Variants in SERINC5 observed in about 807,000 individuals in gnomAD.
The protein encoded by SERINC5 is serine incorporator 5.
A neutral mutation model predicts 63.1 loss-of-function variants in SERINC5; 41 were observed. The ratio of observed to expected loss-of-function variants is 0.65; its 90% CI spans 0.51 to 0.84. The LOEUF (loss-of-function observed/expected upper bound fraction) is 0.84, where lower values mean the gene tolerates loss of function less well. Ranked by LOEUF, SERINC5 falls within the 40% of genes least tolerant of loss-of-function variation. The probability of loss-of-function intolerance (pLI) is 0.00; values close to 1 mark genes in which losing one functional copy is unlikely to be tolerated. For synonymous variants in SERINC5, 222 were observed against 215.2 expected, an observed-to-expected ratio of 1.03 and a Z score of -0.28; for missense variants, 523 against 573.0, an observed-to-expected ratio of 0.91 and a Z score of 0.89.
At chr5:80,160,909 T>C (rs1011978347) in intron 7 of SERINC5, among the ~76,000 whole-genome samples, 18 of 150,614 alleles carry the variant, frequency 1.2e-4, no homozygotes, top group African/African-American at 4.4e-4. Context: ...TGTGTGGAGA[T>C]AGATATATAT....
At chr5:80,251,657 G>T (rs1379937058) in intron 1 of SERINC5, among the ~76,000 whole-genome samples, 1 of 151,556 alleles carries the variant, frequency 6.6e-6, no homozygotes, top group Non-Finnish European at 1.5e-5. Flanking sequence ...TTGGACCCGG[G>T]AGGCGGAGGT....
Position 80,160,934 on chromosome 5 carries a change from GTA to G in SERINC5, c.860-1974_860-1973del, listed in dbSNP as rs1187542681. On this transcript the variant is annotated intron_variant, in intron 7 of 11. Transcript: ENST00000507668. Reference sequence around the variant, plus strand: ...TAGATATATATATGTGTGTGTGTGTGTATATATATGTGTATATATATATGTGT... The same window carrying G: ...TAGATATATATATGTGTGTGTGTGTGTATATATGTGTATATATATATGTGT... Among the ~76,000 whole-genome samples the G allele has an allele frequency of 4.1e-4, 54 of 131,970 alleles. 1 individual carries two copies. The South Asian group carries it at 0.01, about 25-fold the overall frequency. The allele number at this position is 131,970 out of a possible 152,430, so 86.6% of individuals were successfully genotyped here.
chr5:80,190,879 T>C (rs997151147), intron 2 of SERINC5, among the ~76,000 whole-genome samples: 3 of 152,168 alleles, frequency 2.0e-5, no homozygotes, highest in African/African-American at 7.2e-5. Flanking sequence ...AGACCTGGAA[T>C]TGAATGATGG....
chr5:80,227,850 CA>C (rs1363181588), intron 1 of SERINC5, among the ~76,000 whole-genome samples: 2 of 151,292 alleles, frequency 1.3e-5, no homozygotes, highest in African/African-American at 2.4e-5. Flanking sequence ...CCCTGACTTA[CA>C]AAAAAGAAAA....
At chr5:80,123,432 T>C (rs1744623999) in intron 11 of SERINC5, among the ~76,000 whole-genome samples, 1 of 152,212 alleles carries the variant, frequency 6.6e-6, no homozygotes, top group Non-Finnish European at 1.5e-5. Flanking sequence ...TCCTCACTTA[T>C]TTTTTATTAA....
At chr5:80,189,806 G>A (rs1464351156) in intron 2 of SERINC5, among the ~76,000 whole-genome samples, 1 of 152,054 alleles carries the variant, frequency 6.6e-6, no homozygotes, top group Non-Finnish European at 1.5e-5. Flanking sequence ...CAAACTCCTA[G>A]ACGCAAGCCA....
At chr5:80,150,337 C>T (rs1746092637) in intron 9 of SERINC5, among the ~76,000 whole-genome samples, 1 of 152,112 alleles carries the variant, frequency 6.6e-6, no homozygotes, top group Non-Finnish European at 1.5e-5. Context: ...CGGCAGGATG[C>T]CACCCAAGAG....
rs544724445 is a variant in SERINC5, at chr5:80,196,059, T to C, written c.195+6827A>G. Among the ~76,000 whole-genome samples, 11 of 152,180 alleles carry C rather than the reference T, an allele frequency of 7.2e-5. No individual in the cohort carries two copies. The East Asian group carries it at 1.9e-3, about 27-fold the overall frequency. On this transcript the variant is annotated intron_variant, in intron 2 of 11. Coordinates refer to ENST00000507668, the MANE Select transcript of SERINC5 (RefSeq NM_001174072.3). ...GCATGGCCAAATCACCGTGACTGAC[T>C]GGAATGCAGAGTGGAAGCCTGAGAC...
At chr5:80,136,480 T>A (rs907806626), downstream of SERINC5, among the ~76,000 whole-genome samples, 2 of 152,166 alleles carry the variant, frequency 1.3e-5, no homozygotes, top group African/African-American at 4.8e-5. Context: ...GAAAACTGGA[T>A]AGCCACATGT....
chr5:80,233,154 A>G (rs13154209), intron 1 of SERINC5, among the ~76,000 whole-genome samples: 73,972 of 152,068 alleles, frequency 0.49, 18,271 homozygotes, highest in African/African-American at 0.55. Flanking sequence ...GGCCGGGTGC[A>G]GTGGCTCACG....
At chr5:80,147,084 T>C (rs1014247192) in intron 10 of SERINC5, among the ~76,000 whole-genome samples, 161 bp downstream of exon 10, 14 of 152,210 alleles carry the variant, frequency 9.2e-5, no homozygotes, top group African/African-American at 3.1e-4. Flanking sequence ...CAGCTATCCT[T>C]CAGGAAGAAT....
chr5:80,194,100 T>C (rs951630216), intron 2 of SERINC5, among the ~76,000 whole-genome samples: 3 of 152,206 alleles, frequency 2.0e-5, no homozygotes, highest in Admixed American at 6.5e-5. Flanking sequence ...GGTACAACAG[T>C]ACCATGAACT....
chr5:80,138,557 C>T (rs938515999), downstream of SERINC5, among the ~76,000 whole-genome samples: 5 of 151,948 alleles, frequency 3.3e-5, no homozygotes, highest in African/African-American at 9.7e-5. Flanking sequence ...GATCGCGCCA[C>T]TGTACCCCAG....
chr5:80,226,977 C>T (rs552797176), intron 1 of SERINC5, among the ~76,000 whole-genome samples: 55 of 152,224 alleles, frequency 3.6e-4, no homozygotes, highest in African/African-American at 1.1e-3. Context: ...TTCACTGCAA[C>T]CTCCACCTCC....
chr5:80,182,552 C>T (rs765674889), intron 2 of SERINC5, among the ~76,000 whole-genome samples: 10 of 141,424 alleles, frequency 7.1e-5, no homozygotes, highest in East Asian at 6.4e-4. Flanking sequence ...CCGCCCCCCC[C>T]CCCTCCGCTT....
At chr5:80,189,098 A>G (rs752629500) in intron 2 of SERINC5, among the ~76,000 whole-genome samples, 3 of 152,172 alleles carry the variant, frequency 2.0e-5, no homozygotes, top group Non-Finnish European at 4.4e-5. Context: ...TAAAGTGTTG[A>G]GAAGGACAGA....
At chr5:80,119,829 G>A (rs1007874409) in intron 11 of SERINC5, among the ~76,000 whole-genome samples, 1 of 152,168 alleles carries the variant, frequency 6.6e-6, no homozygotes, top group Non-Finnish European at 1.5e-5. Context: ...AACAGAGTGG[G>A]GATAGGAACC....
Position 80,212,398 on chromosome 5 carries a change from C to T in SERINC5, c.28-9345G>A, listed in dbSNP as rs1252968972. ...ACTGCATCTTTTAACTACAGAGTTCCACACCTTTCAGTAATACATAATACT... is the reference window on the plus strand; with the variant it reads ...ACTGCATCTTTTAACTACAGAGTTCTACACCTTTCAGTAATACATAATACT... On this transcript the variant is annotated intron_variant, in intron 1 of 11. Coordinates refer to ENST00000507668, the MANE Select transcript of SERINC5 (RefSeq NM_001174072.3). Among the ~76,000 whole-genome samples the T allele has an allele frequency of 2.6e-5, 4 of 152,274 alleles. No individual in the cohort carries two copies. The East Asian group carries it at 7.7e-4, about 29-fold the overall frequency.
downstream of SERINC5, among the ~76,000 whole-genome samples, chr5:80,137,854 T>C (rs1469026989): frequency 1.3e-5 from 2 of 152,026 alleles, no homozygotes; most frequent in East Asian, 3.9e-4. Flanking sequence ...GGCAGGAGGA[T>C]TGCTTGAGTC....
Sources: allele counts gnomAD v4.1 joint callset (sites outside exome capture counted in the v4.1 genomes callset), GRCh38; gene constraint gnomAD v4.1.1; transcripts MANE v1.5; gene names NCBI Gene and HGNC (gene_info 2026-07-23, HGNC 2026-07-21).